The following IFT140 variants were observed in gnomAD, a reference collection of about 807,000 sequenced individuals.
The protein encoded by IFT140 is intraflagellar transport 140.
Under a neutral mutation model 164.6 loss-of-function variants are expected in IFT140, and 133 were observed. That is an observed-to-expected ratio of 0.81 (90% confidence interval 0.70 to 0.93). The LOEUF is 0.93. Ranked by LOEUF, IFT140 falls within the 40% of genes least tolerant of loss-of-function variation. IFT140 has a pLI of 0.00. For synonymous variants in IFT140, 860 were observed against 817.3 expected (o/e 1.05, Z -0.89); for missense variants, 2,045 against 1,972.3 (o/e 1.04, Z -0.70).
Position 1,553,975 on chromosome 16 carries a change from G to C in IFT140, c.2399+3960C>G. ...AAACTGTAGCATCAGCGACTAACTAGACGGGAACAAGCTGCGCCAACCAAG... is the reference window on the plus strand; with the variant it reads ...AAACTGTAGCATCAGCGACTAACTACACGGGAACAAGCTGCGCCAACCAAG... On this transcript the variant is annotated intron_variant, in intron 19 of 30. Coordinates refer to ENST00000426508, the MANE Select transcript of IFT140 (RefSeq NM_014714.4). This position sits in a 1 kb window ranked among gnomAD's most constrained non-coding sequence, Gnocchi z 4.4. 3.9e-6 allele frequency: 5 copies of C among 1,287,232 alleles called. No homozygotes were observed. Among genetic ancestry groups the C allele is most frequent in the Non-Finnish European group, 5.1e-6 (5 of 988,686 alleles). 79.7% of individuals were successfully genotyped at this position (1,287,232 alleles called of 1,614,324 possible). A position where few individuals can be genotyped will look rare whatever the true frequency, so the allele number is the denominator to read the frequency against.
chr16:1,541,944 T>G, intron 19 of IFT140: 1 of 1,607,872 alleles, frequency 6.2e-7, no homozygotes, highest in Non-Finnish European at 8.5e-7. Flanking sequence ...GATGCGCGCC[T>G]GCAACCTGGT....
chr16:1,557,208 G>T (rs1392600385), intron 19 of IFT140, among the ~76,000 whole-genome samples: 1 of 152,214 alleles, frequency 6.6e-6, no homozygotes, highest in Non-Finnish European at 1.5e-5. Context: ...GGGCCGGGCG[G>T]TGCTGCTCAG....
rs2034929136 is a variant in IFT140, at chr16:1,587,165, C to T, written c.1009+33G>A. The T allele has an allele frequency of 1.2e-5, 16 of 1,364,598 alleles. No individual in the cohort carries two copies. The East Asian group carries it at 3.4e-4, about 29-fold the overall frequency. 84.5% of individuals were successfully genotyped at this position (1,364,598 alleles called of 1,614,324 possible). On this transcript the variant is annotated intron_variant, in intron 9 of 30. Coordinates refer to ENST00000426508, the MANE Select transcript of IFT140 (RefSeq NM_014714.4). ...CGGCGCACAATGCTTGTGGTTGGTT[C>T]TGTTTCTCTTGTGCCAGGCCAGGAA... is the stretch of plus-strand genomic sequence containing the variant.
At position 1,584,393 on chromosome 16, in the gene IFT140, CT is replaced by C; in HGVS notation, c.1182del (p.Val395Ter). ...IQWGSRKNLL[A>X]VNSVISVAIL... ...ATGGCCACGGAGATGACGCTGTTCA[CT>C]GCCAGCAGGTTCTTCCTGGAACCCC... is the stretch of plus-strand genomic sequence containing the variant. On this transcript the variant is annotated frameshift_variant, in exon 11 of 31. Transcript: ENST00000426508. LOFTEE classifies it high-confidence loss of function. 4 of 1,610,878 alleles carry C rather than the reference CT, an allele frequency of 2.5e-6. No individual in the cohort carries two copies. Among genetic ancestry groups the C allele is most frequent in the Non-Finnish European group, 3.4e-6 (4 of 1,178,968 alleles).
At chr16:1,518,668 G>A (rs952423117) in intron 29 of IFT140, among the ~76,000 whole-genome samples, 1 of 151,878 alleles carries the variant, frequency 6.6e-6, no homozygotes, top group Non-Finnish European at 1.5e-5. Flanking sequence ...GTGACCCAGA[G>A]GGGATGTGGT....
In IFT140 at chr16:1,593,747, G is replaced by GCTGCCGGCATTGTCA. The variant is rs936021809; in HGVS notation, c.370-1174_370-1160dup. Reference sequence around the variant, plus strand: ...TAAAGCTGAGGTGCCTTCTCTGCATGCTGCCGGCATTGTCACTGCCGGCAT... The same window carrying GCTGCCGGCATTGTCA: ...TAAAGCTGAGGTGCCTTCTCTGCATGCTGCCGGCATTGTCACTGCCGGCATTGTCACTGCCGGCAT... On this transcript the variant is annotated intron_variant, in intron 4 of 30. Coordinates refer to ENST00000426508, the MANE Select transcript of IFT140 (RefSeq NM_014714.4). Among the ~76,000 whole-genome samples the GCTGCCGGCATTGTCA allele has an allele frequency of 3.9e-5, 6 of 152,224 alleles. No individual in the cohort carries two copies. The East Asian group carries it at 5.8e-4, about 15-fold the overall frequency.
chr16:1,532,648 T>C (rs1201325783), intron 19 of IFT140: 1 of 152,270 alleles, frequency 6.6e-6, no homozygotes, highest in East Asian at 1.9e-4. Context: ...CTTGGGCGTG[T>C]GCCCATGAAC....
rs536061072 is a variant in IFT140 at position 1,526,749 on chromosome 16, C to T, written c.2447G>A (p.Arg816Gln). The T allele has an allele frequency of 1.2e-5, 20 of 1,610,152 alleles. No individual in the cohort carries two copies. Among genetic ancestry groups the T allele is most frequent in the East Asian group, 8.9e-5 (4 of 44,780 alleles). The change falls in exon 20 of 31, where the codon CGG becomes CAG. Residue 816 changes from arginine (R) to glutamine (Q), a missense_variant. Coordinates refer to ENST00000426508, the MANE Select transcript of IFT140 (RefSeq NM_014714.4). ...CAGGCACACCTTGGCCACGTCCAGCCGCTGGGTCTTCACGCACATGCGCGC... is the reference window on the plus strand; with the variant it reads ...CAGGCACACCTTGGCCACGTCCAGCTGCTGGGTCTTCACGCACATGCGCGC... Reference protein sequence around the residue: ...NMARMCVKTQRLDVAKVCLGN... With the variant: ...NMARMCVKTQQLDVAKVCLGN...
chr16:1,600,480 T>G (rs1482741509), intron 4 of IFT140, among the ~76,000 whole-genome samples: 1 of 149,936 alleles, frequency 6.7e-6, no homozygotes, highest in African/African-American at 2.5e-5. Context: ...AAAAAAAATG[T>G]ACACAGGTGC....
Position 1,588,614 on chromosome 16 carries a change from T to TA in IFT140, c.811-591_811-590insT, listed in dbSNP as rs561050697. Among the ~76,000 whole-genome samples, 155 of 152,150 alleles carry TA rather than the reference T, an allele frequency of 1.0e-3. 2 individuals carry two copies. The highest frequency in any genetic ancestry group is 3.3e-3 in the African/African-American group (136 of 41,464). ...CATCGGTGGACATGCTCTGGAGTGA[T>TA]CACTAAGTTGAGCTGGTGCTCCCTG... On this transcript the variant is annotated intron_variant, in intron 7 of 30. Coordinates refer to ENST00000426508, the MANE Select transcript of IFT140 (RefSeq NM_014714.4).
At chr16:1,522,667 C>T (rs1251024267) in intron 26 of IFT140, among the ~76,000 whole-genome samples, 1 of 152,126 alleles carries the variant, frequency 6.6e-6, no homozygotes, top group Non-Finnish European at 1.5e-5. Context: ...GGTGGAACCC[C>T]ATCTCTACTA....
intron 2 of IFT140, among the ~76,000 whole-genome samples, chr16:1,609,460 A>C (rs1052459700): frequency 6.6e-6 from 1 of 152,128 alleles, no homozygotes; most frequent in African/African-American, 2.4e-5. Context: ...CCGTGGCTGC[A>C]TTTAGACTTT....
At chr16:1,598,414 C>A (rs558387484) in intron 4 of IFT140, among the ~76,000 whole-genome samples, 6 of 152,050 alleles carry the variant, frequency 3.9e-5, no homozygotes, top group Non-Finnish European at 8.8e-5. Context: ...GCCGAGATGG[C>A]GCCACTGCAC....
Position 1,557,945 on chromosome 16 carries a change from G to C in IFT140, c.2389C>G (p.Leu797Val), listed in dbSNP as rs754304733. The C allele has an allele frequency of 6.2e-7, 1 of 1,613,638 alleles. No individual in the cohort carries two copies. The highest frequency in any genetic ancestry group is 1.1e-5 in the South Asian group (1 of 91,058). The change falls in exon 19 of 31, where the codon CTC becomes GTC. Residue 797 changes from leucine (L) to valine (V), a missense_variant. Physicochemically the swap from Leu to Val is conservative, Grantham distance 32. Transcript: ENST00000426508. ...DMDEAFKSIK[L>V]IKSEAVWENM... is the part of the protein sequence containing the mutation. ...GGTCGGGATCCTCACCTTTTGATGAGCTTGATGGATTTGAAGGCTTCGTCC... is the reference window on the plus strand; with the variant it reads ...GGTCGGGATCCTCACCTTTTGATGACCTTGATGGATTTGAAGGCTTCGTCC...
intron 19 of IFT140, among the ~76,000 whole-genome samples, chr16:1,536,352 C>T (rs2031070976): frequency 6.6e-6 from 1 of 152,204 alleles, no homozygotes; most frequent in African/African-American, 2.4e-5. Flanking sequence ...GCCAGCAGGA[C>T]ACACGAGGCC....
intron 2 of IFT140, among the ~76,000 whole-genome samples, chr16:1,608,073 T>G (rs2142111568): frequency 6.7e-6 from 1 of 150,350 alleles, no homozygotes; most frequent in South Asian, 2.1e-4. Flanking sequence ...GACTCACAGG[T>G]GGTAGAAGAC....
At position 1,589,747 on chromosome 16, in the gene IFT140, G is replaced by C. The variant is rs764257641; in HGVS notation, c.668C>G (p.Thr223Ser). 1 of 1,614,176 alleles carries C rather than the reference G, an allele frequency of 6.2e-7. No homozygotes were observed. The highest frequency in any genetic ancestry group is 8.5e-7 in the Non-Finnish European group (1 of 1,180,022). Residue 223 changes from threonine to serine, a missense_variant, in exon 7 of 31, where the codon ACC (threonine) becomes AGC (serine). Physicochemically the swap from Thr to Ser is moderately conservative, Grantham distance 58. Transcript: ENST00000426508. ...GCTGTCTGCGGACACCACCTGAGTG[G>C]TCTTGCCCTTCTCATCCACATAGTG... Reference protein sequence around the residue: ...TVHYVDEKGKTTQVVSADSTI... With the variant: ...TVHYVDEKGKSTQVVSADSTI...
At chr16:1,542,121 G>T in intron 19 of IFT140, 1 of 1,522,320 alleles carries the variant, frequency 6.6e-7, no homozygotes, top group Non-Finnish European at 8.8e-7. Flanking sequence ...TGCCCCCTGT[G>T]GCCTTCTGGT....
intron 30 of IFT140, among the ~76,000 whole-genome samples, chr16:1,511,643 C>T (rs2040160839): frequency 6.6e-6 from 1 of 151,926 alleles, no homozygotes; most frequent in Non-Finnish European, 1.5e-5. Context: ...TTGGATGGCC[C>T]CTCCCATCAC....
Sources: gnomAD v4.1 joint callset for allele counts (sites outside exome capture counted in the v4.1 genomes callset) on GRCh38, gnomAD v4.1.1 for gene constraint, Gnocchi (gnomAD v3.1) non-coding constraint, MANE v1.5 for transcripts, NCBI Gene and HGNC (gene_info 2026-07-23, HGNC 2026-07-21) for gene names.